Variants in ARPP21 observed in about 807,000 individuals in gnomAD.
ARPP21 encodes the protein cAMP regulated phosphoprotein 21.
A neutral mutation model predicts 113.2 loss-of-function variants in ARPP21; 69 were observed. That is an observed-to-expected ratio of 0.61 (90% CI 0.50 to 0.74). The LOEUF (loss-of-function observed/expected upper bound fraction) is 0.74, where lower values mean the gene tolerates loss of function less well. Among genes scored for constraint, ARPP21 ranks in the 30% least tolerant of loss-of-function variants. The pLI is 0.00. For synonymous variants in ARPP21, 368 were observed against 375.5 expected, an observed-to-expected ratio of 0.98 and a Z score of 0.23; for missense variants, 1,070 against 1,037.4, an observed-to-expected ratio of 1.03 and a Z score of -0.43.
At chr3:35,710,408 AGGATGCC>A (rs1463792863) in intron 11 of ARPP21, among the ~76,000 whole-genome samples, 3 of 152,184 alleles carry the variant, frequency 2.0e-5, no homozygotes, top group Non-Finnish European at 4.4e-5. Context: ...AGTCATAATA[AGGATGCC>A]TACAGTGGCC....
At chr3:35,787,819 A>G (rs1381640009) in intron 19 of ARPP21, among the ~76,000 whole-genome samples, 1 of 152,220 alleles carries the variant, frequency 6.6e-6, no homozygotes, top group East Asian at 1.9e-4. Flanking sequence ...GAATGTATAA[A>G]TAAATGGTAC....
At chr3:35,695,794 C>T (rs185906685) in intron 9 of ARPP21, among the ~76,000 whole-genome samples, 1 of 151,504 alleles carries the variant, frequency 6.6e-6, no homozygotes, top group East Asian at 2.0e-4. Context: ...TTACTAAGAG[C>T]TGGGCATTTT....
At chr3:35,720,390 T>C (rs2150285303) in intron 13 of ARPP21, among the ~76,000 whole-genome samples, 1 of 152,366 alleles carries the variant, frequency 6.6e-6, no homozygotes, top group South Asian at 2.1e-4. Flanking sequence ...TTCTTTGTAC[T>C]GTCTGTACAA....
chr3:35,697,431 C>A (rs192167221), intron 9 of ARPP21, among the ~76,000 whole-genome samples: 6 of 151,672 alleles, frequency 4.0e-5, no homozygotes, highest in Non-Finnish European at 7.4e-5. Context: ...GTGACTATGG[C>A]AGTTTGTTTG....
At chr3:35,659,166 G>T (rs1454061385) in intron 1 of ARPP21, among the ~76,000 whole-genome samples, 2 of 152,002 alleles carry the variant, frequency 1.3e-5, no homozygotes, top group Non-Finnish European at 2.9e-5. Context: ...ATCTATTCTT[G>T]CAACATTTTT....
At chr3:35,738,378 ACTT>A in intron 17 of ARPP21, 60 bp downstream of exon 17, 4 of 1,409,832 alleles carry the variant, frequency 2.8e-6, no homozygotes, top group African/African-American at 1.4e-5. Context: ...TGATTTTACT[ACTT>A]TTTTGTGTGC....
chr3:35,697,323 A>G (rs956841139), intron 9 of ARPP21, among the ~76,000 whole-genome samples: 3 of 151,604 alleles, frequency 2.0e-5, no homozygotes, highest in Non-Finnish European at 4.4e-5. Context: ...GCCGACAGGC[A>G]TTGGTTTGAG....
At chr3:35,662,287 G>A (rs1708184597) in intron 1 of ARPP21, among the ~76,000 whole-genome samples, 1 of 152,192 alleles carries the variant, frequency 6.6e-6, no homozygotes, top group Non-Finnish European at 1.5e-5. Context: ...TGAGGTGCCA[G>A]GTATTAGAGA....
chr3:35,684,116 G>T (rs936957054), intron 5 of ARPP21: 5 of 1,511,078 alleles, frequency 3.3e-6, no homozygotes, highest in South Asian at 1.3e-5. Flanking sequence ...TTCCTCAAAG[G>T]CTCTCTTTTG....
At chr3:35,710,458 CA>C (rs1335588662) in intron 11 of ARPP21, among the ~76,000 whole-genome samples, 1 of 151,720 alleles carries the variant, frequency 6.6e-6, no homozygotes, top group African/African-American at 2.4e-5. Flanking sequence ...TGAAGACCTT[CA>C]TAGAGCTTCA....
chr3:35,790,216 C>T (rs1321892921), intron 19 of ARPP21, among the ~76,000 whole-genome samples: 1 of 152,150 alleles, frequency 6.6e-6, no homozygotes, highest in Non-Finnish European at 1.5e-5. Context: ...CAATCTTCAG[C>T]CAGAAGTAAG....
Position 35,755,404 on chromosome 3 carries a change from T to C in ARPP21, c.2137+11439T>C, listed in dbSNP as rs192801846. 4.5e-3 allele frequency among the ~76,000 whole-genome samples: 691 copies of C among 152,180 alleles called. 9 individuals are homozygous for C. The highest frequency in any genetic ancestry group is 0.015 in the African/African-American group (626 of 41,522). On this transcript the variant is annotated intron_variant, in intron 19 of 20. Transcript: ENST00000684406. ...AAGTTCCCTGCAACTCTCTTTATAC[T>C]CTTTTTTTCTTTTTATATTAAATAA...
intron 11 of ARPP21, among the ~76,000 whole-genome samples, chr3:35,710,478 A>G (rs973969829): frequency 2.0e-5 from 3 of 147,090 alleles, no homozygotes; most frequent in African/African-American, 7.5e-5. Flanking sequence ...CATAGAGATA[A>G]TTTTTTTGAA....
intron 1 of ARPP21, among the ~76,000 whole-genome samples, chr3:35,676,226 T>C (rs945833615): frequency 3.9e-5 from 6 of 151,980 alleles, no homozygotes; most frequent in Non-Finnish European, 5.9e-5. Flanking sequence ...TTAGTTTTAA[T>C]GGCATTCATG....
intron 19 of ARPP21, among the ~76,000 whole-genome samples, chr3:35,759,021 G>A (rs2095667788): frequency 6.6e-6 from 1 of 151,940 alleles, no homozygotes; most frequent in African/African-American, 2.4e-5. Context: ...CTGGCAGGAG[G>A]CAATGACATG....
chr3:35,673,043 T>C (rs763175338), intron 1 of ARPP21, among the ~76,000 whole-genome samples: 1 of 152,186 alleles, frequency 6.6e-6, no homozygotes, highest in Non-Finnish European at 1.5e-5. Flanking sequence ...ACCACTGTAG[T>C]ACTCAATAAA....
chr3:35,743,125 G>A (rs1237483309), intron 18 of ARPP21, among the ~76,000 whole-genome samples: 3 of 152,112 alleles, frequency 2.0e-5, no homozygotes, highest in Non-Finnish European at 4.4e-5. Context: ...AATGTGCTTT[G>A]ATAGACTACC....
rs184373532 is a variant in ARPP21, at chr3:35,765,255, C to A, written c.2137+21290C>A. 2.6e-5 allele frequency among the ~76,000 whole-genome samples: 4 copies of A among 152,202 alleles called. No homozygotes were observed. The East Asian group carries it at 7.7e-4, about 29-fold the overall frequency. ...TTTACATCTGTCAAAATGTCAAATT[C>A]TAAGCAGGATTGCCTTGCCCTCATC... is the stretch of plus-strand genomic sequence containing the variant. On this transcript the variant is annotated intron_variant, in intron 19 of 20. Coordinates refer to ENST00000684406, the MANE Select transcript of ARPP21 (RefSeq NM_001385562.1).
intron 19 of ARPP21, among the ~76,000 whole-genome samples, chr3:35,773,444 G>T (rs903638800): frequency 1.3e-5 from 2 of 152,090 alleles, no homozygotes; most frequent in African/African-American, 4.8e-5. Context: ...TGCCTCTCAT[G>T]ACTTGACAAT....
Sources: gnomAD v4.1 joint callset for allele counts (sites outside exome capture counted in the v4.1 genomes callset) on GRCh38, gnomAD v4.1.1 for gene constraint, MANE v1.5 for transcripts, NCBI Gene and HGNC (gene_info 2026-07-23, HGNC 2026-07-21) for gene names.